PCDHGB1: variants seen among roughly 807,000 people sequenced by gnomAD.
The protein encoded by PCDHGB1 is protocadherin gamma-B1.
PCDHGB1 carries 34 observed loss-of-function variants against 56.6 expected under a neutral mutation model. The observed-to-expected ratio is 0.60, with a 90% CI of 0.46 to 0.80. PCDHGB1 has a LOEUF of 0.80. PCDHGB1 is among the 30% of genes least tolerant of loss of function. The pLI, the probability that PCDHGB1 is intolerant of heterozygous loss-of-function variation, is 0.00. For missense variants in PCDHGB1, 1,278 were observed against 1,204.6 expected (o/e 1.06, Z -0.90); for synonymous variants, 561 against 505.9 (o/e 1.11, Z -1.46).
intron 1 of PCDHGB1, among the ~76,000 whole-genome samples, chr5:141,439,391 G>A (rs880080): frequency 0.036 from 5,494 of 152,210 alleles, 123 homozygotes; most frequent in South Asian, 0.078. Context: ...TCATCACTTC[G>A]ACTTCATGTG....
chr5:141,418,906 C>T, intron 1 of PCDHGB1: 1 of 1,613,908 alleles, frequency 6.2e-7, no homozygotes, highest in Non-Finnish European at 8.5e-7. Flanking sequence ...AAATAATCAT[C>T]ACGTCACTCT....
chr5:141,357,787 T>G lies in PCDHGB1; in HGVS notation c.2409+5118T>G, dbSNP rs1268213946. Reference sequence around the variant, plus strand: ...CCTTCCAATAATGATCAACAGTATTTACCACACAAAAATGTTGTTTATTAC... The same window carrying G: ...CCTTCCAATAATGATCAACAGTATTGACCACACAAAAATGTTGTTTATTAC... On this transcript the variant is annotated intron_variant, in intron 1 of 3. Coordinates refer to ENST00000523390, the MANE Select transcript of PCDHGB1 (RefSeq NM_018922.3). 7 of 844,904 alleles carry G rather than the reference T, an allele frequency of 8.3e-6. No homozygotes were observed. In the Admixed American group the frequency reaches 1.5e-4, roughly 18 times the overall value. 52.3% of individuals were successfully genotyped at this position (844,904 alleles called of 1,614,324 possible).
intron 1 of PCDHGB1, chr5:141,356,567 C>T (rs1421968549): frequency 6.2e-7 from 1 of 1,614,048 alleles, no homozygotes; most frequent in African/African-American, 1.3e-5. Context: ...CCTCATGCTT[C>T]CTACTCTGCT....
chr5:141,486,803 C>T lies in PCDHGB1; in HGVS notation c.2410-8004C>T. 1 of 1,614,228 alleles carries T rather than the reference C, an allele frequency of 6.2e-7. No homozygotes were observed. Among genetic ancestry groups the T allele is most frequent in the South Asian group, 1.1e-5 (1 of 91,084 alleles). ...GCAGGCCCGGGATCGGGGCAACCCACCCCTTAGCAGCACTGTAACAGTTCG... is the reference window on the plus strand; with the variant it reads ...GCAGGCCCGGGATCGGGGCAACCCATCCCTTAGCAGCACTGTAACAGTTCG... On this transcript the variant is annotated intron_variant, in intron 1 of 3. Coordinates refer to ENST00000523390, the MANE Select transcript of PCDHGB1 (RefSeq NM_018922.3). The surrounding 1 kb of genome is among the most constrained non-coding windows in gnomAD (Gnocchi z 5.0).
In PCDHGB1 at chr5:141,419,702, G is replaced by A. The variant is rs116279995; in HGVS notation, c.2409+67033G>A. 1.9e-3 allele frequency: 3,028 copies of A among 1,612,950 alleles called. 48 individuals are homozygous for A. In the African/African-American group the frequency reaches 0.033, roughly 18 times the overall value. The stretch of plus-strand genomic sequence containing the variant: ...CCACGTGGTGCAGGCCAGTGAGCCC[G>A]GGCTCTTCAGCCTGGGGCTGCGAAC... On this transcript the variant is annotated intron_variant, in intron 1 of 3. Transcript: ENST00000523390.
chr5:141,389,078 C>T, intron 1 of PCDHGB1: 1 of 1,614,002 alleles, frequency 6.2e-7, no homozygotes, highest in Non-Finnish European at 8.5e-7. Flanking sequence ...CTTCAAGAAA[C>T]ACGTATAAAT....
At chr5:141,377,254 T>A (rs1332272982) in intron 1 of PCDHGB1, 1 of 149,056 alleles carries the variant, frequency 6.7e-6, no homozygotes, top group Non-Finnish European at 1.5e-5. Flanking sequence ...TGTAAGGTTC[T>A]TTCTTTTTCT....
At chr5:141,355,503 C>G in intron 1 of PCDHGB1, 2 of 1,614,064 alleles carry the variant, frequency 1.2e-6, no homozygotes, top group Non-Finnish European at 1.7e-6. Flanking sequence ...GATCTCCAAA[C>G]TGTGTGACAA....
At chr5:141,387,725 C>A (rs986434485) in intron 1 of PCDHGB1, 2 of 1,183,102 alleles carry the variant, frequency 1.7e-6, no homozygotes, top group Non-Finnish European at 2.3e-6. Context: ...GACTCCCCAG[C>A]GCCAGCCTTT....
At chr5:141,408,438 C>G (rs749271632) in intron 1 of PCDHGB1, 8 of 1,613,896 alleles carry the variant, frequency 5.0e-6, no homozygotes, top group Non-Finnish European at 5.9e-6. Flanking sequence ...AGCGTAGACG[C>G]GGAGAGCGGG....
At chr5:141,396,562 G>C (rs2150669769) in intron 1 of PCDHGB1, 1 of 152,144 alleles carries the variant, frequency 6.6e-6, no homozygotes, top group South Asian at 2.1e-4. Context: ...GGAGGTTGCA[G>C]TGAGCCTCGA....
chr5:141,489,707 G>A lies in PCDHGB1; in HGVS notation c.2410-5100G>A. 6.2e-7 allele frequency: 1 copy of A among 1,614,194 alleles called. No individual in the cohort carries two copies. Among genetic ancestry groups the A allele is most frequent in the Non-Finnish European group, 8.5e-7 (1 of 1,180,022 alleles). The stretch of plus-strand genomic sequence containing the variant: ...TCTGGGGCACGATTCCCACTGGACA[G>A]TGCCCAGGATCCGGATGTGGGCACC... On this transcript the variant is annotated intron_variant, in intron 1 of 3. Transcript: ENST00000523390. The surrounding 1 kb of genome is among the most constrained non-coding windows in gnomAD (Gnocchi z 4.5).
intron 1 of PCDHGB1, chr5:141,385,445 T>A (rs2150293072): frequency 1.4e-6 from 2 of 1,450,040 alleles, no homozygotes; most frequent in Non-Finnish European, 1.8e-6. Context: ...TAAAAATGAG[T>A]TTACCAGTTT....
At chr5:141,410,403 A>G (rs752705682) in intron 1 of PCDHGB1, 2 of 1,614,028 alleles carry the variant, frequency 1.2e-6, no homozygotes, top group Admixed American at 1.7e-5. Context: ...CTCTGTGTCA[A>G]GTCTGGACCT....
At chr5:141,438,400 T>C (rs2154557880) in intron 1 of PCDHGB1, among the ~76,000 whole-genome samples, 1 of 151,918 alleles carries the variant, frequency 6.6e-6, no homozygotes, top group Non-Finnish European at 1.5e-5. Context: ...TCATTAACTC[T>C]CTGAAGTATT....
chr5:141,392,931 G>A (rs2092632355), intron 1 of PCDHGB1: 2 of 1,613,802 alleles, frequency 1.2e-6, no homozygotes, highest in Admixed American at 1.7e-5. Context: ...AGAAGAGACG[G>A]ACAAAGGCTC....
chr5:141,431,799 T>A lies in PCDHGB1; in HGVS notation c.2410-63008T>A. 6.2e-7 allele frequency: 1 copy of A among 1,614,228 alleles called. No homozygotes were observed. The highest frequency in any genetic ancestry group is 8.5e-7 in the Non-Finnish European group (1 of 1,180,036). On this transcript the variant is annotated intron_variant, in intron 1 of 3. Transcript: ENST00000523390. This position sits in a 1 kb window ranked among gnomAD's most constrained non-coding sequence, Gnocchi z 4.8. ...GACGTGAACGACAATGCCCCAGAAG[T>A]GGTCCTCACCTCTCTCGCCAGCTCG...
At chr5:141,471,926 G>T (rs2099266798) in intron 1 of PCDHGB1, among the ~76,000 whole-genome samples, 1 of 152,110 alleles carries the variant, frequency 6.6e-6, no homozygotes, top group African/African-American at 2.4e-5. Flanking sequence ...AATTTTGGGG[G>T]TGATGAGAGT....
intron 1 of PCDHGB1, chr5:141,366,287 C>T (rs746594585): frequency 5.0e-6 from 8 of 1,613,620 alleles, no homozygotes; most frequent in Admixed American, 1.7e-5. Context: ...TGGCCAGCCC[C>T]CTCTGTCAGC....
Sources: allele counts gnomAD v4.1 joint callset (sites outside exome capture counted in the v4.1 genomes callset), GRCh38; gene constraint gnomAD v4.1.1; non-coding constraint Gnocchi (gnomAD v3.1); transcripts MANE v1.5; gene names NCBI Gene and HGNC (gene_info 2026-07-23, HGNC 2026-07-21).